The following TARM1 variants were observed in gnomAD, a reference collection of about 807,000 sequenced individuals.
The protein encoded by TARM1 is T cell-interacting, activating receptor on myeloid cells 1, also known as T-cell-interacting, activating receptor on myeloid cells protein 1.
In TARM1, 24 loss-of-function variants were observed where a neutral mutation model predicts 30.4. That is an observed-to-expected ratio of 0.79 (90% CI 0.57 to 1.11). The LOEUF (loss-of-function observed/expected upper bound fraction) is 1.11, where lower values mean the gene tolerates loss of function less well. Among genes scored for constraint, TARM1 ranks in the 50% least tolerant of loss-of-function variants. The probability of loss-of-function intolerance (pLI) is 0.00; values close to 1 mark genes in which losing one functional copy is unlikely to be tolerated. For synonymous variants in TARM1, 129 were observed against 138.9 expected (o/e 0.93, Z 0.50); for missense variants, 323 against 332.8 (o/e 0.97, Z 0.23).
intron 4 of TARM1, among the ~76,000 whole-genome samples, chr19:54,073,241 C>T (rs587761252): frequency 5.9e-5 from 9 of 151,520 alleles, no homozygotes; most frequent in Admixed American, 5.3e-4. Context: ...AAACCTTCAT[C>T]GCTACTAAAA....
intron 1 of TARM1, chr19:54,076,264 TC>T: frequency 6.8e-7 from 1 of 1,478,300 alleles, no homozygotes; most frequent in Non-Finnish European, 9.0e-7. Flanking sequence ...CTTTCTTTTT[TC>T]TTTCTTTCAT....
intron 1 of TARM1, chr19:54,076,159 G>A: frequency 2.0e-6 from 3 of 1,492,128 alleles, no homozygotes; most frequent in Middle Eastern, 1.7e-4. Context: ...CCTGCTCCAG[G>A]CCTTTCCCAC....
intron 1 of TARM1, among the ~76,000 whole-genome samples, chr19:54,079,287 A>C (rs1340165605): frequency 6.7e-6 from 1 of 150,330 alleles, no homozygotes; most frequent in Non-Finnish European, 1.5e-5. Context: ...AAAAAAAGAA[A>C]TTAGAATGGA....
In TARM1 at chr19:54,074,002, C is replaced by G. The variant is rs745592080; in HGVS notation, c.576G>C (p.Gly192=). 5 of 1,551,574 alleles carry G rather than the reference C, an allele frequency of 3.2e-6. No individual in the cohort carries two copies. In the African/African-American group the frequency reaches 6.8e-5, roughly 21 times the overall value. Residue 192 remains glycine, a synonymous_variant, in exon 4 of 5, where the codon GGG becomes GGC. Transcript: ENST00000432826. ...TCTGGTAGTACATGCAGCTGTAGTTCCCAGCATCGCCGGCTGTCACGTCCA... is the reference window on the plus strand; with the variant it reads ...TCTGGTAGTACATGCAGCTGTAGTTGCCAGCATCGCCGGCTGTCACGTCCA... The part of the protein sequence containing the change: ...SLVDVTAGDA[G]NYSCMYYQTK...
At position 54,074,871 on chromosome 19, in the gene TARM1, G is replaced by A. The variant is rs2071906133; in HGVS notation, c.314C>T (p.Pro105Leu). ...YTCEYYRKAS[P>L]HILSQHSDVL... is the part of the protein sequence containing the mutation. ...GTCACTGTGCTGTGAAAGGATGTGG[G>A]GGGATGCTTTTCTGTAGTATTCACA... The change falls in exon 3 of 5, where the codon CCC becomes CTC. Residue 105 changes from proline (P) to leucine (L), a missense_variant. Coordinates refer to ENST00000432826, the MANE Select transcript of TARM1 (RefSeq NM_001135686.3). 2 of 1,551,568 alleles carry A rather than the reference G, an allele frequency of 1.3e-6. No homozygotes were observed. Among genetic ancestry groups the A allele is most frequent in the East Asian group, 4.9e-5 (2 of 40,914 alleles).
Position 54,074,189 on chromosome 19 carries a change from G to T in TARM1, c.389C>A (p.Thr130Asn). 1 of 1,551,628 alleles carries T rather than the reference G, an allele frequency of 6.4e-7. No homozygotes were observed. Among genetic ancestry groups the T allele is most frequent in the South Asian group, 1.2e-5 (1 of 84,070 alleles). Residue 130 changes from threonine (T) to asparagine (N), a missense_variant, in exon 4 of 5, where the codon ACC (threonine) becomes AAC (asparagine). Coordinates refer to ENST00000432826, the MANE Select transcript of TARM1 (RefSeq NM_001135686.3). ...TGCGGTCACTGTACCCCTTTGGTAG[G>T]TTCGGAGGAAAGGTTTAGATAAATG... ...TGHLSKPFLR[T>N]YQRGTVTAGG...
In TARM1 at chr19:54,074,841, A is replaced by C; in HGVS notation, c.344T>G (p.Leu115Arg). 3 of 1,551,498 alleles carry C rather than the reference A, an allele frequency of 1.9e-6. No individual in the cohort carries two copies. Among genetic ancestry groups the C allele is most frequent in the Non-Finnish European group, 2.6e-6 (3 of 1,146,894 alleles). Reference protein sequence around the residue: ...PHILSQHSDVLLLLVTGHLSK... With the variant: ...PHILSQHSDVRLLLVTGHLSK... ...GTCTGTACCTGTCACCAACAGTAGA[A>C]GGACGTCACTGTGCTGTGAAAGGAT... The change falls in exon 3 of 5, where the codon CTT (leucine) becomes CGT (arginine). Residue 115 changes from leucine (L) to arginine (R), a missense_variant. By Grantham distance (102) the Leu-to-Arg change is moderately radical. Transcript: ENST00000432826.
At chr19:54,075,590 C>T (rs1388872545) in intron 2 of TARM1, among the ~76,000 whole-genome samples, 10 of 151,306 alleles carry the variant, frequency 6.6e-5, no homozygotes, top group East Asian at 2.0e-4. Context: ...GTCATGAGAT[C>T]GAGACCATCC....
intron 4 of TARM1, among the ~76,000 whole-genome samples, chr19:54,071,248 G>T (rs1212791814): frequency 6.6e-6 from 1 of 152,022 alleles, no homozygotes; most frequent in Non-Finnish European, 1.5e-5. Flanking sequence ...CTGAGCCACC[G>T]CGCCCGGCCA....
chr19:54,076,175 C>T, intron 1 of TARM1: 1 of 1,499,068 alleles, frequency 6.7e-7, no homozygotes, highest in African/African-American at 1.4e-5. Context: ...CCCACAAATC[C>T]TTCCATTCTC....
At chr19:54,076,328 T>TTCTC in intron 1 of TARM1, 1 of 353,852 alleles carries the variant, frequency 2.8e-6, no homozygotes, top group Non-Finnish European at 5.0e-6. Flanking sequence ...TTCTTTCTTT[T>TTCTC]TCTTTCTTTC....
intron 1 of TARM1, among the ~76,000 whole-genome samples, chr19:54,077,516 C>T (rs761670242): frequency 9.2e-5 from 14 of 151,962 alleles, no homozygotes; most frequent in Non-Finnish European, 2.1e-4. Flanking sequence ...CCTCTTTTTC[C>T]CCTGTGTGAA....
intron 1 of TARM1, among the ~76,000 whole-genome samples, chr19:54,079,728 C>T (rs943496828): frequency 1.3e-5 from 2 of 152,134 alleles, no homozygotes; most frequent in African/African-American, 2.4e-5. Flanking sequence ...TGGCTCACGC[C>T]TGTAATCCCA....
chr19:54,076,930 C>T (rs1209459539), intron 1 of TARM1, among the ~76,000 whole-genome samples: 1 of 152,116 alleles, frequency 6.6e-6, no homozygotes, highest in Non-Finnish European at 1.5e-5. Context: ...CCAAACAGGA[C>T]AAAATTTATT....
chr19:54,077,959 T>C (rs2071999634), intron 1 of TARM1, among the ~76,000 whole-genome samples: 1 of 151,386 alleles, frequency 6.6e-6, no homozygotes, highest in Non-Finnish European at 1.5e-5. Flanking sequence ...GGATTACAGC[T>C]CACTGCAACC....
At chr19:54,078,985 G>A (rs1439209516) in intron 1 of TARM1, among the ~76,000 whole-genome samples, 2 of 151,422 alleles carry the variant, frequency 1.3e-5, no homozygotes, top group East Asian at 1.9e-4. Flanking sequence ...GGCTGGACAC[G>A]GTGGCTCACG....
At chr19:54,080,947 G>A (rs1386733126) in intron 1 of TARM1, among the ~76,000 whole-genome samples, 1 of 151,922 alleles carries the variant, frequency 6.6e-6, no homozygotes, top group Middle Eastern at 3.4e-3. Flanking sequence ...ACTACAGCCT[G>A]GGCAACAAGA....
At position 54,075,001 on chromosome 19, in the gene TARM1, T is replaced by C; in HGVS notation, c.184A>G (p.Lys62Glu). 1 of 1,551,486 alleles carries C rather than the reference T, an allele frequency of 6.4e-7. No homozygotes were observed. Among genetic ancestry groups the C allele is most frequent in the African/African-American group, 1.4e-5 (1 of 73,086 alleles). Residue 62 changes from lysine to glutamate, a missense_variant, in exon 3 of 5, where the codon AAG becomes GAG. Transcript: ENST00000432826. Reference sequence around the variant, plus strand: ...GGGGACTCCAGAATAATTCCTCCCTTCCTGAGAACAAAGCTCACACCTCTG... The same window carrying C: ...GGGGACTCCAGAATAATTCCTCCCTCCCTGAGAACAAAGCTCACACCTCTG... The part of the protein sequence containing the change: ...PARGVSFVLR[K>E]GGIILESPKP...
At chr19:54,070,205 C>T (rs1203594718) in intron 4 of TARM1, 45 bp from the exon 5 acceptor site, 2 of 1,526,784 alleles carry the variant, frequency 1.3e-6, no homozygotes, top group East Asian at 2.5e-5. Context: ...GAGGGTATCC[C>T]TCCTTCTCAA....
Sources: gnomAD v4.1 joint callset for allele counts (sites outside exome capture counted in the v4.1 genomes callset) on GRCh38, gnomAD v4.1.1 for gene constraint, MANE v1.5 for transcripts, NCBI Gene and HGNC (gene_info 2026-07-23, HGNC 2026-07-21) for gene names.